Variants in AGBL4 observed in about 807,000 individuals in gnomAD.
AGBL4 encodes cytosolic carboxypeptidase 6.
Under a neutral mutation model 66.4 loss-of-function variants are expected in AGBL4, and 58 were observed. That is an observed-to-expected ratio of 0.87 (90% CI 0.71 to 1.09). AGBL4 has a LOEUF of 1.09. Among genes scored for constraint, AGBL4 ranks in the 50% least tolerant of loss-of-function variants. The pLI, the probability that AGBL4 is intolerant of heterozygous loss-of-function variation, is 0.00. For synonymous variants in AGBL4, 234 were observed against 222.9 expected (o/e 1.05, Z -0.44); for missense variants, 579 against 631.0 (o/e 0.92, Z 0.88).
intron 3 of AGBL4, among the ~76,000 whole-genome samples, chr1:49,267,012 G>A (rs150895817): frequency 2.6e-5 from 4 of 152,274 alleles, no homozygotes; most frequent in Non-Finnish European, 5.9e-5. Flanking sequence ...CTGAGGAAAC[G>A]CATACTGTTA....
intron 4 of AGBL4, among the ~76,000 whole-genome samples, chr1:49,219,110 C>G (rs183997589): frequency 2.6e-5 from 4 of 152,228 alleles, no homozygotes; most frequent in Admixed American, 2.6e-4. Context: ...AGGTTTATAC[C>G]ATAAGGGCAC....
chr1:49,250,932 G>A (rs1652008475), intron 3 of AGBL4, among the ~76,000 whole-genome samples: 1 of 152,284 alleles, frequency 6.6e-6, no homozygotes, highest in Non-Finnish European at 1.5e-5. Context: ...TGGTGCAGGG[G>A]CATCTGTAGT....
chr1:49,874,858 G>A (rs370335778), intron 1 of AGBL4, among the ~76,000 whole-genome samples: 24 of 151,644 alleles, frequency 1.6e-4, no homozygotes, highest in Middle Eastern at 3.4e-3. Flanking sequence ...AAGTTTTAGG[G>A]TACATGTGCA....
chr1:49,824,484 C>T (rs1489430460), intron 2 of AGBL4, among the ~76,000 whole-genome samples: 1 of 152,098 alleles, frequency 6.6e-6, no homozygotes, highest in Non-Finnish European at 1.5e-5. Context: ...GGCACATCAA[C>T]AAAGAAATGA....
At chr1:49,617,128 C>T (rs904032769) in intron 3 of AGBL4, among the ~76,000 whole-genome samples, 6 of 152,136 alleles carry the variant, frequency 3.9e-5, no homozygotes, top group African/African-American at 1.4e-4. Flanking sequence ...GACTCTATTA[C>T]CTCTTTAGCC....
chr1:48,763,046 T>C (rs975722146), intron 6 of AGBL4, among the ~76,000 whole-genome samples: 1 of 152,158 alleles, frequency 6.6e-6, no homozygotes, highest in African/African-American at 2.4e-5. Flanking sequence ...GTATTATCAA[T>C]GTGTTCTGAA....
rs374983048 is a variant in AGBL4, at chr1:49,921,129, T to C, written c.35-69611A>G. On this transcript the variant is annotated intron_variant, in intron 1 of 13. Coordinates refer to ENST00000371839, the MANE Select transcript of AGBL4 (RefSeq NM_032785.4). ...GGGGGAGGGACAGCATTAGGAGATA[T>C]ACCTAACGTAAATGATGAGTTAATG... Among the ~76,000 whole-genome samples the C allele has an allele frequency of 9.9e-5, 15 of 152,134 alleles. No homozygotes were observed. The East Asian group carries it at 1.9e-3, about 20-fold the overall frequency.
intron 2 of AGBL4, among the ~76,000 whole-genome samples, chr1:49,809,729 C>T (rs1203153769): frequency 1.3e-5 from 2 of 152,092 alleles, no homozygotes; most frequent in Non-Finnish European, 2.9e-5. Context: ...GCTTCAAACT[C>T]CCCATGTGTG....
chr1:49,788,777 A>C (rs1571569146), intron 2 of AGBL4, among the ~76,000 whole-genome samples: 1 of 152,242 alleles, frequency 6.6e-6, no homozygotes, highest in East Asian at 1.9e-4. Flanking sequence ...GGAAAATAAC[A>C]AGCATGTAAT....
intron 11 of AGBL4, among the ~76,000 whole-genome samples, chr1:48,549,688 G>A (rs529337255): frequency 6.6e-6 from 1 of 152,174 alleles, no homozygotes; most frequent in Admixed American, 6.5e-5. Context: ...AGAGACTCAG[G>A]CTTGAAAACT....
intron 3 of AGBL4, among the ~76,000 whole-genome samples, chr1:49,528,447 C>T (rs2148810577): frequency 6.6e-6 from 1 of 152,164 alleles, no homozygotes; most frequent in Non-Finnish European, 1.5e-5. Flanking sequence ...GATCCCTCTG[C>T]TCTCTTTATG....
intron 3 of AGBL4, among the ~76,000 whole-genome samples, chr1:49,311,640 C>G (rs1644943870): frequency 6.6e-6 from 1 of 151,892 alleles, no homozygotes; most frequent in African/African-American, 2.4e-5. Context: ...TTCCTGGATG[C>G]AAAGAATTAA....
chr1:48,926,558 G>A (rs1420394383), intron 5 of AGBL4, among the ~76,000 whole-genome samples: 1 of 151,840 alleles, frequency 6.6e-6, no homozygotes, highest in African/African-American at 2.4e-5. Context: ...CAAAGTGCTG[G>A]GATTACAGGT....
chr1:48,968,672 A>T (rs1170293965), intron 5 of AGBL4, among the ~76,000 whole-genome samples: 1 of 152,162 alleles, frequency 6.6e-6, no homozygotes, highest in Non-Finnish European at 1.5e-5. Context: ...CTAAGGCCAC[A>T]CAGTGGGTCC....
chr1:49,637,695 A>G (rs1645703562), intron 3 of AGBL4, among the ~76,000 whole-genome samples: 1 of 152,186 alleles, frequency 6.6e-6, no homozygotes, highest in Non-Finnish European at 1.5e-5. Flanking sequence ...CTCATTATGA[A>G]TATTTATCTG....
chr1:49,319,148 A>G (rs1645089334), intron 3 of AGBL4, among the ~76,000 whole-genome samples: 1 of 152,202 alleles, frequency 6.6e-6, no homozygotes, highest in South Asian at 2.1e-4. Context: ...TCTAATGACA[A>G]TCCAATAATA....
At chr1:49,387,587 A>G (rs889930426) in intron 3 of AGBL4, among the ~76,000 whole-genome samples, 3 of 152,034 alleles carry the variant, frequency 2.0e-5, no homozygotes, top group African/African-American at 7.2e-5. Context: ...GTATGTGCTG[A>G]CAAAAATGTG....
chr1:48,643,355 C>T (rs319946), intron 8 of AGBL4, among the ~76,000 whole-genome samples: 73,261 of 151,962 alleles, frequency 0.48, 19,426 homozygotes, highest in Middle Eastern at 0.67. Context: ...TTAGCTGGCA[C>T]CTTTGTGTGG....
At position 48,699,940 on chromosome 1, in the gene AGBL4, T is replaced by TTATA. The variant is rs35066041; in HGVS notation, c.635-36703_635-36700dup. On this transcript the variant is annotated intron_variant, in intron 6 of 13. Coordinates refer to ENST00000371839, the MANE Select transcript of AGBL4 (RefSeq NM_032785.4). ...ATACATATACATATATAAATATACATTATATATATATATTTAGAGACAGAG... is the reference window on the plus strand; with the variant it reads ...ATACATATACATATATAAATATACATTATATATATATATATATTTAGAGACAGAG... Among the ~76,000 whole-genome samples, 276 of 146,272 alleles carry TTATA rather than the reference T, an allele frequency of 1.9e-3. 2 individuals carry two copies. Among genetic ancestry groups the TTATA allele is most frequent in the Non-Finnish European group, 3.0e-3 (201 of 67,196 alleles).
Sources: allele counts gnomAD v4.1 joint callset (sites outside exome capture counted in the v4.1 genomes callset), GRCh38; gene constraint gnomAD v4.1.1; transcripts MANE v1.5; gene names NCBI Gene and HGNC (gene_info 2026-07-23, HGNC 2026-07-21).